The following FAAH2 variants were observed in gnomAD, a reference collection of about 807,000 sequenced individuals.
FAAH2 encodes fatty-acid amide hydrolase 2.
Under a neutral mutation model 36.9 loss-of-function variants are expected in FAAH2, and 60 were observed. The ratio of observed to expected loss-of-function variants is 1.63; its 90% CI spans 1.32 to 2.02. The LOEUF (loss-of-function observed/expected upper bound fraction) is 2.02. FAAH2 is among the 30% of genes most tolerant of loss of function. The probability of loss-of-function intolerance (pLI) is 0.00; values close to 1 mark genes in which losing one functional copy is unlikely to be tolerated. For missense variants in FAAH2, 689 were observed against 397.5 expected, an observed-to-expected ratio of 1.73 and a Z score of -6.23; for synonymous variants, 214 against 143.8, an observed-to-expected ratio of 1.49 and a Z score of -3.49.
chrX:57,131,544 A>G, the FAAH2 span, among the ~76,000 whole-genome samples: 1 of 111,871 alleles, frequency 8.9e-6, no homozygotes, highest in African/African-American at 3.3e-5. Context: ...CATGTCCTCC[A>G]GTTCAGCTTT....
intron 10 of FAAH2, among the ~76,000 whole-genome samples, chrX:57,475,790 G>A (rs1386264546): frequency 1.8e-5 from 2 of 111,933 alleles, no homozygotes; most frequent in African/African-American, 6.5e-5. Flanking sequence ...GGGCAATATG[G>A]CCATTTTCAG....
At chrX:57,150,628 TC>T in the FAAH2 span, among the ~76,000 whole-genome samples, 16 of 112,010 alleles carry the variant, frequency 1.4e-4, 1 homozygote, top group African/African-American at 4.9e-4. Flanking sequence ...TCTTCCTCCA[TC>T]CCTTTATTTT....
chrX:57,240,359 T>G, the FAAH2 span, among the ~76,000 whole-genome samples: 1 of 111,615 alleles, frequency 9.0e-6, no homozygotes, highest in South Asian at 3.8e-4. Context: ...AGGCCTGTGA[T>G]TTTGTTCTCT....
chrX:57,255,007 A>T, the FAAH2 span, among the ~76,000 whole-genome samples: 1 of 111,719 alleles, frequency 9.0e-6, no homozygotes, highest in Non-Finnish European at 1.9e-5. Context: ...AAAGTTCAAC[A>T]AAATTGATAG....
chrX:57,447,080 G>C, intron 9 of FAAH2, 41 bp downstream of exon 9: 4 of 975,608 alleles, frequency 4.1e-6, no homozygotes, highest in Non-Finnish European at 4.2e-6. Context: ...TTGATGTCCT[G>C]TAATATTTCT....
At chrX:57,169,646 T>A in the FAAH2 span, among the ~76,000 whole-genome samples, 1 of 93,205 alleles carries the variant, frequency 1.1e-5, no homozygotes, top group Non-Finnish European at 2.2e-5. Context: ...CTCTCAATAA[T>A]GTAGGTGGGC....
chrX:57,374,794 A>T (rs937909478), intron 5 of FAAH2, among the ~76,000 whole-genome samples: 6 of 111,146 alleles, frequency 5.4e-5, no homozygotes, highest in Admixed American at 9.6e-5. Context: ...TCCAGTTTTC[A>T]GAGGGAATGC....
At position 57,460,905 on chromosome X, in the gene FAAH2, C is replaced by A. The variant is rs184931955; in HGVS notation, c.1423+12187C>A. 3.6e-5 allele frequency among the ~76,000 whole-genome samples: 4 copies of A among 111,171 alleles called. No individual in the cohort carries two copies. The East Asian group carries it at 8.6e-4, about 24-fold the overall frequency. ...CATCATTGTGCTGTATTCAGGGGAC[C>A]CACCTCACGTGCAAAGACGCACATA... On this transcript the variant is annotated intron_variant, in intron 10 of 10. Transcript: ENST00000374900.
Position 57,446,969 on chromosome X carries a change from A to G in FAAH2, c.1158A>G (p.Lys386=), listed in dbSNP as rs1386276677. The G allele has an allele frequency of 8.3e-7, 1 of 1,210,428 alleles. No homozygotes were observed. The change falls in exon 9 of 11, where the codon AAA becomes AAG. Residue 386 remains lysine, a synonymous_variant. Coordinates refer to ENST00000374900, the MANE Select transcript of FAAH2 (RefSeq NM_174912.4). ...TAGATTTGCTTGGTGACCATGGGAA[A>G]CATGTCAGTCCTCTGTGGGAGTTGA... ...KFVDLLGDHG[K]HVSPLWELIK...
chrX:57,269,179 A>T, the FAAH2 span, among the ~76,000 whole-genome samples: 37 of 112,016 alleles, frequency 3.3e-4, no homozygotes, highest in Admixed American at 1.9e-4. Flanking sequence ...AGATGTAACT[A>T]TTCTAAATAT....
chrX:57,322,455 G>T (rs913045357), intron 3 of FAAH2, among the ~76,000 whole-genome samples: 9 of 111,254 alleles, frequency 8.1e-5, no homozygotes, highest in South Asian at 3.7e-4. Flanking sequence ...CAACTGAAGA[G>T]AATTTGACTA....
the FAAH2 span, among the ~76,000 whole-genome samples, chrX:57,242,658 T>G: frequency 9.0e-6 from 1 of 111,694 alleles, no homozygotes; most frequent in South Asian, 3.8e-4. Context: ...TGCAAGGGGT[T>G]GAGGAACTCC....
chrX:57,256,361 G>T, the FAAH2 span, among the ~76,000 whole-genome samples: 1 of 111,653 alleles, frequency 9.0e-6, no homozygotes, highest in South Asian at 3.8e-4. Context: ...GTTATTTATA[G>T]ATTCAGTGCT....
the FAAH2 span, among the ~76,000 whole-genome samples, chrX:57,189,333 T>A: frequency 3.6e-5 from 4 of 110,401 alleles, no homozygotes; most frequent in South Asian, 1.2e-3. Flanking sequence ...GGTTAAAACA[T>A]GCTCCTTTAA....
At chrX:57,312,135 T>C (rs1295163831) in intron 3 of FAAH2, among the ~76,000 whole-genome samples, 1 of 112,253 alleles carries the variant, frequency 8.9e-6, no homozygotes, top group African/African-American at 3.2e-5. Flanking sequence ...CACAGGGGGC[T>C]CTCCCAAATC....
the FAAH2 span, among the ~76,000 whole-genome samples, chrX:57,279,249 A>G: frequency 8.9e-6 from 1 of 112,803 alleles, no homozygotes; most frequent in African/African-American, 3.2e-5. Flanking sequence ...TGGCACATAT[A>G]CACCATGGAA....
the FAAH2 span, among the ~76,000 whole-genome samples, chrX:57,209,636 C>T: frequency 9.0e-6 from 1 of 111,452 alleles, no homozygotes; most frequent in Non-Finnish European, 1.9e-5. Context: ...AGCTTTTTAG[C>T]CTGGAGTTAT....
the FAAH2 span, among the ~76,000 whole-genome samples, chrX:57,141,853 T>C: frequency 1.8e-5 from 2 of 111,288 alleles, no homozygotes; most frequent in Non-Finnish European, 3.8e-5. Context: ...TACATAGGTA[T>C]ATGTGTGTCA....
At chrX:57,163,596 A>G in the FAAH2 span, among the ~76,000 whole-genome samples, 1 of 112,130 alleles carries the variant, frequency 8.9e-6, no homozygotes, top group African/African-American at 3.2e-5. Flanking sequence ...AGAAAAGCAC[A>G]GTATTCAGGT....
Sources: gnomAD v4.1 joint callset for allele counts (sites outside exome capture counted in the v4.1 genomes callset) on GRCh38, gnomAD v4.1.1 for gene constraint, MANE v1.5 for transcripts, NCBI Gene and HGNC (gene_info 2026-07-23, HGNC 2026-07-21) for gene names.